The following CNTNAP2 variants were observed in gnomAD, a reference collection of about 807,000 sequenced individuals.
CNTNAP2 encodes contactin associated protein 2.
Under a neutral mutation model 155.2 loss-of-function variants are expected in CNTNAP2, and 98 were observed. The observed-to-expected ratio is 0.63, with a 90% CI of 0.54 to 0.75. The LOEUF (loss-of-function observed/expected upper bound fraction) is 0.75, where lower values mean the gene tolerates loss of function less well. Ranked by LOEUF, CNTNAP2 falls within the 30% of genes least tolerant of loss-of-function variation. The pLI is 0.00. For missense variants in CNTNAP2, 1,727 were observed against 1,688.1 expected, an observed-to-expected ratio of 1.02 and a Z score of -0.40; for synonymous variants, 651 against 631.2, an observed-to-expected ratio of 1.03 and a Z score of -0.47.
Position 146,432,109 on chromosome 7 carries a change from C to G in CNTNAP2, c.97+315136C>G, listed in dbSNP as rs1796181565. On this transcript the variant is annotated intron_variant, in intron 1 of 23. Transcript: ENST00000361727. Reference sequence around the variant, plus strand: ...AGTAAAGAAATTATTCTGAGCAAAACCAACTAATTTCAACAGTCACAGCAA... The same window carrying G: ...AGTAAAGAAATTATTCTGAGCAAAAGCAACTAATTTCAACAGTCACAGCAA... 2.0e-5 allele frequency among the ~76,000 whole-genome samples: 3 copies of G among 151,954 alleles called. No individual in the cohort carries two copies. The South Asian group carries it at 6.2e-4, about 32-fold the overall frequency.
At chr7:146,647,199 C>T (rs1162446302) in intron 1 of CNTNAP2, among the ~76,000 whole-genome samples, 1 of 152,156 alleles carries the variant, frequency 6.6e-6, no homozygotes. Flanking sequence ...CATCTCAGTC[C>T]AAATTGGCTC....
intron 5 of CNTNAP2, among the ~76,000 whole-genome samples, chr7:147,110,203 G>A (rs1800847499): frequency 6.6e-6 from 1 of 152,136 alleles, no homozygotes. Context: ...GGGATTACAA[G>A]CCACCGTGCC....
chr7:146,144,682 A>G (rs1025016154), intron 1 of CNTNAP2, among the ~76,000 whole-genome samples: 21 of 152,178 alleles, frequency 1.4e-4, no homozygotes, highest in African/African-American at 4.8e-4. Flanking sequence ...TCATACTCTC[A>G]TGTTAATTTG....
intron 1 of CNTNAP2, among the ~76,000 whole-genome samples, chr7:146,583,226 C>A (rs1018595078): frequency 6.6e-6 from 1 of 151,884 alleles, no homozygotes; most frequent in Admixed American, 6.6e-5. Flanking sequence ...AGAAAGTGAC[C>A]AAAAATATCC....
intron 13 of CNTNAP2, among the ~76,000 whole-genome samples, chr7:147,750,801 G>A (rs990366840): frequency 2.0e-5 from 3 of 152,128 alleles, no homozygotes; most frequent in African/African-American, 7.2e-5. Flanking sequence ...CAGTTTGGGA[G>A]GCCAAGGCGG....
At chr7:146,351,716 A>G (rs895918440) in intron 1 of CNTNAP2, among the ~76,000 whole-genome samples, 2 of 152,196 alleles carry the variant, frequency 1.3e-5, no homozygotes, top group Non-Finnish European at 2.9e-5. Flanking sequence ...TCTAAGTTAA[A>G]TGGCTCTCAC....
chr7:147,664,457 G>A (rs950379878), intron 13 of CNTNAP2, among the ~76,000 whole-genome samples: 1 of 152,112 alleles, frequency 6.6e-6, no homozygotes, highest in Non-Finnish European at 1.5e-5. Context: ...GTGGAGTCTT[G>A]CTCTCCTTGC....
intron 9 of CNTNAP2, among the ~76,000 whole-genome samples, chr7:147,304,222 T>C (rs1465042742): frequency 1.3e-5 from 2 of 152,180 alleles, no homozygotes; most frequent in African/African-American, 4.8e-5. Flanking sequence ...ATTTTTTTTT[T>C]CTTGGGGATA....
chr7:148,222,495 T>TATGAATGGATCATTCCTTGAATCG (rs1795765222), intron 19 of CNTNAP2, among the ~76,000 whole-genome samples: 2 of 78,406 alleles, frequency 2.6e-5, no homozygotes, highest in East Asian at 6.3e-4. Flanking sequence ...TCCATGAATC[T>TATGAATGGATCATTCCTTGAATCG]ATGAATGGAT....
At chr7:146,161,290 C>A (rs939925591) in intron 1 of CNTNAP2, among the ~76,000 whole-genome samples, 1 of 152,180 alleles carries the variant, frequency 6.6e-6, no homozygotes, top group South Asian at 2.1e-4. Flanking sequence ...AAAACTGGCA[C>A]AAGGCAGCTA....
intron 6 of CNTNAP2, among the ~76,000 whole-genome samples, chr7:147,128,008 C>T (rs967880202): frequency 6.6e-6 from 1 of 152,036 alleles, no homozygotes; most frequent in African/African-American, 2.4e-5. Context: ...TATTTTCTTT[C>T]TATAAGCGAT....
chr7:147,552,527 A>C (rs1799870210), intron 11 of CNTNAP2, among the ~76,000 whole-genome samples: 1 of 152,016 alleles, frequency 6.6e-6, no homozygotes, highest in Admixed American at 6.6e-5. Context: ...TTAGCTAAAA[A>C]CAAATGGAGA....
chr7:148,093,187 T>G (rs1803883585), intron 15 of CNTNAP2, among the ~76,000 whole-genome samples: 1 of 145,332 alleles, frequency 6.9e-6, no homozygotes, highest in South Asian at 2.2e-4. Flanking sequence ...AGAGCTCTGC[T>G]AAAAAAAAAA....
intron 8 of CNTNAP2, among the ~76,000 whole-genome samples, chr7:147,216,289 A>C (rs893854096): frequency 2.7e-4 from 41 of 151,914 alleles, no homozygotes; most frequent in African/African-American, 8.2e-4. Flanking sequence ...CTCATGTGTT[A>C]ATTTCTAGGA....
At chr7:146,566,656 C>T (rs1272734056) in intron 1 of CNTNAP2, among the ~76,000 whole-genome samples, 1 of 151,848 alleles carries the variant, frequency 6.6e-6, no homozygotes, top group Non-Finnish European at 1.5e-5. Context: ...GAGATCGCAC[C>T]ACTGCACTCC....
chr7:148,325,953 G>T (rs1414020004), intron 21 of CNTNAP2, among the ~76,000 whole-genome samples: 1 of 152,120 alleles, frequency 6.6e-6, no homozygotes, highest in African/African-American at 2.4e-5. Flanking sequence ...CTGACTGACT[G>T]AGCATGCCCC....
chr7:147,250,572 A>C (rs2116657816), intron 8 of CNTNAP2, among the ~76,000 whole-genome samples: 1 of 139,004 alleles, frequency 7.2e-6, no homozygotes. Context: ...TGTCAACCTC[A>C]TGTGTCTGGA....
intron 3 of CNTNAP2, among the ~76,000 whole-genome samples, chr7:146,997,713 T>C (rs527534359): frequency 1.3e-5 from 2 of 152,216 alleles, no homozygotes; most frequent in Non-Finnish European, 2.9e-5. Flanking sequence ...TTTTTATTTC[T>C]TTTTAATCTC....
chr7:146,127,354 G>T (rs1797652172), intron 1 of CNTNAP2, among the ~76,000 whole-genome samples: 1 of 152,028 alleles, frequency 6.6e-6, no homozygotes, highest in Admixed American at 6.5e-5. Flanking sequence ...AAATTCTTTG[G>T]TTTCTGAACT....
Sources: gnomAD v4.1 joint callset for allele counts (sites outside exome capture counted in the v4.1 genomes callset) on GRCh38, gnomAD v4.1.1 for gene constraint, MANE v1.5 for transcripts, NCBI Gene and HGNC (gene_info 2026-07-23, HGNC 2026-07-21) for gene names.